Variants in DDX46 observed in about 807,000 individuals in gnomAD.
The protein encoded by DDX46 is DEAD-box helicase 46.
Under a neutral mutation model 134.9 loss-of-function variants are expected in DDX46, and 30 were observed. The ratio of observed to expected loss-of-function variants is 0.22; its 90% CI spans 0.17 to 0.30. The LOEUF (loss-of-function observed/expected upper bound fraction) is 0.30, where lower values mean the gene tolerates loss of function less well. DDX46 is among the 10% of genes least tolerant of loss of function. The probability of loss-of-function intolerance (pLI) is 1.00; values close to 1 mark genes in which losing one functional copy is unlikely to be tolerated. For missense variants in DDX46, 622 were observed against 1,248.7 expected (o/e 0.50, Z 7.56); for synonymous variants, 415 against 404.1 (o/e 1.03, Z -0.32).
At chr5:134,801,954 G>A (rs1376503601) in intron 15 of DDX46, among the ~76,000 whole-genome samples, 1 of 151,978 alleles carries the variant, frequency 6.6e-6, no homozygotes, top group Non-Finnish European at 1.5e-5. Context: ...TATTCTGTGT[G>A]GGGTTCATTT....
chr5:134,816,738 T>C, intron 19 of DDX46, 132 bp downstream of exon 19: 1 of 911,484 alleles, frequency 1.1e-6, no homozygotes, highest in Non-Finnish European at 1.6e-6. Context: ...ACATTCTCAA[T>C]ACAGAATTTT....
chr5:134,823,379 T>G (rs1490348678), intron 21 of DDX46, among the ~76,000 whole-genome samples: 3 of 152,148 alleles, frequency 2.0e-5, no homozygotes, highest in Non-Finnish European at 4.4e-5. Context: ...GACCTCGTGA[T>G]CCTCCTGCCT....
chr5:134,815,186 C>T (rs1007426120), intron 18 of DDX46, among the ~76,000 whole-genome samples: 1 of 152,146 alleles, frequency 6.6e-6, no homozygotes, highest in Non-Finnish European at 1.5e-5. Flanking sequence ...GAGTTAAAGG[C>T]GACCCTGTCT....
rs1755679063 is a variant in DDX46, at chr5:134,829,501, T to A, written c.*795T>A. 1.3e-5 allele frequency: 2 copies of A among 152,212 alleles called. No individual in the cohort carries two copies. Among genetic ancestry groups the A allele is most frequent in the African/African-American group, 4.8e-5 (2 of 41,456 alleles). 9.4% of individuals were successfully genotyped at this position (152,212 alleles called of 1,614,324 possible). On this transcript the variant is annotated 3_prime_UTR_variant, in exon 23 of 23. Transcript: ENST00000452510. Reference sequence around the variant, plus strand: ...AAGTGTTTATTTATATATCTATACATGTTGTATGTACAAATATCCTACTAC... The same window carrying A: ...AAGTGTTTATTTATATATCTATACAAGTTGTATGTACAAATATCCTACTAC...
At chr5:134,805,018 C>A in intron 15 of DDX46, 1 of 389,202 alleles carries the variant, frequency 2.6e-6, no homozygotes, top group Non-Finnish European at 5.1e-6. Flanking sequence ...GCTTTCCCAA[C>A]TTTGTTGGTA....
In DDX46 at chr5:134,767,068, T is replaced by C. The variant is rs1753593904; in HGVS notation, c.350+8T>C. On this transcript the variant is annotated splice_region_variant and intron_variant, in intron 3 of 22. Coordinates refer to ENST00000452510, the MANE Select transcript of DDX46 (RefSeq NM_001300860.2). ...CAAGAAAACTGAGAATAGGTAATGTTATCATTGGGCTGCATCTATAGTGCA... is the reference window on the plus strand; with the variant it reads ...CAAGAAAACTGAGAATAGGTAATGTCATCATTGGGCTGCATCTATAGTGCA... 6.2e-7 allele frequency: 1 copy of C among 1,610,638 alleles called. No homozygotes were observed. The highest frequency in any genetic ancestry group is 1.3e-5 in the African/African-American group (1 of 74,514).
At chr5:134,765,835 A>G (rs112154215) in intron 2 of DDX46, among the ~76,000 whole-genome samples, 3 of 152,340 alleles carry the variant, frequency 2.0e-5, no homozygotes, top group African/African-American at 4.8e-5. Flanking sequence ...ACCCGTGACA[A>G]TGTGGATAGC....
chr5:134,771,463 C>T lies in DDX46; in HGVS notation c.447+464C>T, dbSNP rs866533654. Among the ~76,000 whole-genome samples, 16 of 138,904 alleles carry T rather than the reference C, an allele frequency of 1.2e-4. No individual in the cohort carries two copies. The Middle Eastern group carries it at 0.024, about 208-fold the overall frequency. 91.1% of individuals were successfully genotyped at this position (138,904 alleles called of 152,430 possible). On this transcript the variant is annotated intron_variant, in intron 4 of 22. Coordinates refer to ENST00000452510, the MANE Select transcript of DDX46 (RefSeq NM_001300860.2). ...ATCCCAGCACTTTGGGAGGCCGAGG[C>T]GGGTGGATCATGAGGTCAGGAGATC...
chr5:134,811,549 A>G (rs894695328), intron 17 of DDX46, 147 bp from the exon 18 acceptor site: 117 of 1,124,006 alleles, frequency 1.0e-4, no homozygotes, highest in Non-Finnish European at 1.3e-4. Context: ...TGTGGTGTCT[A>G]TGTAGAGCTC....
At chr5:134,798,173 GT>G (rs1200526938) in intron 15 of DDX46, among the ~76,000 whole-genome samples, 30 of 139,974 alleles carry the variant, frequency 2.1e-4, no homozygotes, top group Non-Finnish European at 2.5e-4. Context: ...GCCCCCCACC[GT>G]TTTTTTTTTT....
chr5:134,817,744 T>C, intron 20 of DDX46, 30 bp downstream of exon 20: 1 of 1,580,020 alleles, frequency 6.3e-7, no homozygotes, highest in Non-Finnish European at 8.6e-7. Flanking sequence ...CTTTTTTTAT[T>C]GTGAAGTAGC....
chr5:134,799,703 A>G (rs1580804368), intron 15 of DDX46, among the ~76,000 whole-genome samples: 3 of 149,336 alleles, frequency 2.0e-5, no homozygotes, highest in African/African-American at 7.4e-5. Flanking sequence ...GCACCATTGC[A>G]CTCTGGTGTG....
At chr5:134,781,339 G>A (rs908877965) in intron 7 of DDX46, 93 bp downstream of exon 7, 12 of 968,638 alleles carry the variant, frequency 1.2e-5, no homozygotes, top group Non-Finnish European at 1.8e-5. Context: ...ATTTGTGTGA[G>A]CTAGGAGAAA....
At chr5:134,804,911 GT>G in intron 15 of DDX46, 196 of 339,450 alleles carry the variant, frequency 5.8e-4, no homozygotes, top group Middle Eastern at 2.4e-3. Flanking sequence ...CTGCTGACAT[GT>G]TTTTTTTTGT....
chr5:134,777,561 T>C lies in DDX46; in HGVS notation c.614-13T>C. The C allele has an allele frequency of 6.2e-7, 1 of 1,612,252 alleles. No individual in the cohort carries two copies. The highest frequency in any genetic ancestry group is 8.5e-7 in the Non-Finnish European group (1 of 1,179,704). On this transcript the variant is annotated splice_polypyrimidine_tract_variant and intron_variant, in intron 5 of 22. Coordinates refer to ENST00000452510, the MANE Select transcript of DDX46 (RefSeq NM_001300860.2). ...AAACAGATGTTTAAAGAATGTGTAT[T>C]CTGGTATTTTAGATGACGAAGATGA... is the stretch of plus-strand genomic sequence containing the variant.
intron 21 of DDX46, among the ~76,000 whole-genome samples, chr5:134,820,662 T>C (rs1755417689): frequency 6.6e-6 from 1 of 152,214 alleles, no homozygotes; most frequent in Non-Finnish European, 1.5e-5. Flanking sequence ...AGGACTTACA[T>C]TGAGGTAAAA....
At chr5:134,799,635 G>C (rs1754767682) in intron 15 of DDX46, among the ~76,000 whole-genome samples, 1 of 151,986 alleles carries the variant, frequency 6.6e-6, no homozygotes, top group Non-Finnish European at 1.5e-5. Flanking sequence ...CCACTCAGGA[G>C]GCTGAGGCAG....
chr5:134,799,508 C>T (rs898124571), intron 15 of DDX46, among the ~76,000 whole-genome samples: 3 of 151,434 alleles, frequency 2.0e-5, no homozygotes, highest in African/African-American at 4.8e-5. Context: ...GAGGTTGAGG[C>T]GGGTGGATCA....
At chr5:134,759,771 A>G (rs1381597793) in intron 1 of DDX46, among the ~76,000 whole-genome samples, 1 of 152,222 alleles carries the variant, frequency 6.6e-6, no homozygotes, top group African/African-American at 2.4e-5. Context: ...CGTAAGGGTA[A>G]AGCTTGATGA....
Sources: allele counts gnomAD v4.1 joint callset (sites outside exome capture counted in the v4.1 genomes callset), GRCh38; gene constraint gnomAD v4.1.1; transcripts MANE v1.5; gene names NCBI Gene and HGNC (gene_info 2026-07-23, HGNC 2026-07-21).